LRRC72: variants seen among roughly 807,000 people sequenced by gnomAD.
LRRC72 encodes the protein leucine-rich repeat-containing protein 72.
Under a neutral mutation model 35.8 loss-of-function variants are expected in LRRC72, and 41 were observed. That is an observed-to-expected ratio of 1.15 (90% CI 0.89 to 1.49). LRRC72 has a LOEUF of 1.49. Ranked by LOEUF, LRRC72 falls within the 40% of genes most tolerant of loss-of-function variation. LRRC72 has a pLI of 0.00. For missense variants in LRRC72, 389 were observed against 330.7 expected, an observed-to-expected ratio of 1.18 and a Z score of -1.37; for synonymous variants, 118 against 119.2, an observed-to-expected ratio of 0.99 and a Z score of 0.07.
Position 16,558,939 on chromosome 7 carries a change from C to G in LRRC72, c.367C>G (p.Leu123Val). The change falls in exon 5 of 9, where the codon CTA becomes GTA. Residue 123 changes from leucine to valine, a missense_variant. Physicochemically the swap from Leu to Val is conservative, Grantham distance 32 (BLOSUM62 1). Transcript: ENST00000401542. ...LHILLLHHNE[L>V]TNIDATVKEL... ...TATACTCCTGCTACACCACAATGAG[C>G]TAACCAACATTGATGCAACAGTGAA... 1 of 1,537,264 alleles carries G rather than the reference C, an allele frequency of 6.5e-7. No homozygotes were observed.
chr7:16,555,997 A>T (rs574283168), intron 3 of LRRC72, among the ~76,000 whole-genome samples: 3 of 151,560 alleles, frequency 2.0e-5, no homozygotes, highest in African/African-American at 7.3e-5. Context: ...CTCCTCCTCT[A>T]TGGCTCTACC....
At chr7:16,528,411 C>T (rs1782109900) in intron 1 of LRRC72, among the ~76,000 whole-genome samples, 1 of 152,132 alleles carries the variant, frequency 6.6e-6, no homozygotes, top group Non-Finnish European at 1.5e-5. Context: ...ACCAGGGCCT[C>T]AATTTCAGCA....
chr7:16,553,472 T>C (rs917838766), intron 3 of LRRC72, among the ~76,000 whole-genome samples: 1 of 152,228 alleles, frequency 6.6e-6, no homozygotes, highest in Admixed American at 6.5e-5. Flanking sequence ...TTATATTGTA[T>C]AGTGTCTGTG....
chr7:16,547,368 G>A (rs1266834580), intron 3 of LRRC72, among the ~76,000 whole-genome samples: 1 of 152,070 alleles, frequency 6.6e-6, no homozygotes, highest in Non-Finnish European at 1.5e-5. Flanking sequence ...CATGCTCCAC[G>A]GAGATAGCAG....
intron 3 of LRRC72, among the ~76,000 whole-genome samples, chr7:16,547,658 C>T (rs914708356): frequency 1.2e-4 from 18 of 152,356 alleles, no homozygotes; most frequent in Admixed American, 8.5e-4. Flanking sequence ...CAAGCCTGGG[C>T]GCTGTCACAA....
At chr7:16,556,071 A>AT (rs1782644934) in intron 3 of LRRC72, among the ~76,000 whole-genome samples, 1 of 53,378 alleles carries the variant, frequency 1.9e-5, no homozygotes, top group Non-Finnish European at 5.0e-5. Context: ...AGTCAATACT[A>AT]AAAAAAAAAA....
intron 7 of LRRC72, among the ~76,000 whole-genome samples, chr7:16,569,157 G>A (rs1301167435): frequency 6.6e-6 from 1 of 152,176 alleles, no homozygotes; most frequent in African/African-American, 2.4e-5. Context: ...GCCAGGTGCG[G>A]TGGTTCACAC....
intron 3 of LRRC72, among the ~76,000 whole-genome samples, chr7:16,550,242 A>G (rs1782525691): frequency 6.6e-6 from 1 of 152,206 alleles, no homozygotes; most frequent in African/African-American, 2.4e-5. Context: ...AAAAAGGTGT[A>G]GAACTGAGAA....
chr7:16,575,502 T>G (rs1333935245), intron 7 of LRRC72, among the ~76,000 whole-genome samples: 2 of 152,192 alleles, frequency 1.3e-5, no homozygotes, highest in Non-Finnish European at 2.9e-5. Context: ...CTCCCTTGGG[T>G]TTGAATACCA....
chr7:16,540,670 G>A (rs995458230), intron 3 of LRRC72, among the ~76,000 whole-genome samples: 3 of 152,160 alleles, frequency 2.0e-5, no homozygotes, highest in African/African-American at 7.2e-5. Flanking sequence ...CATGGGGGCA[G>A]TTTCCCTCAT....
intron 2 of LRRC72, among the ~76,000 whole-genome samples, chr7:16,533,473 C>T (rs888267672): frequency 1.6e-4 from 25 of 152,060 alleles, no homozygotes; most frequent in African/African-American, 6.0e-4. Flanking sequence ...TACATTTTGT[C>T]CCCCTTACTT....
At chr7:16,579,921 A>AG (rs1783110995) in intron 7 of LRRC72, among the ~76,000 whole-genome samples, 153 bp from the exon 8 acceptor site, 1 of 152,232 alleles carries the variant, frequency 6.6e-6, no homozygotes, top group Admixed American at 6.5e-5. Context: ...TTAGATAAAA[A>AG]GGCATTTTTG....
chr7:16,534,050 T>C (rs1356736701), intron 2 of LRRC72, among the ~76,000 whole-genome samples: 1 of 152,232 alleles, frequency 6.6e-6, no homozygotes, highest in Admixed American at 6.5e-5. Flanking sequence ...TAACACCTTT[T>C]ACATTTTAAG....
At chr7:16,529,173 AATTT>A (rs1457988106) in intron 1 of LRRC72, among the ~76,000 whole-genome samples, 2 of 152,060 alleles carry the variant, frequency 1.3e-5, no homozygotes, top group African/African-American at 4.8e-5. Flanking sequence ...CACCTTTCTT[AATTT>A]ATTTCTCACA....
intron 5 of LRRC72, among the ~76,000 whole-genome samples, chr7:16,565,126 T>G (rs1157107813): frequency 2.0e-5 from 3 of 152,132 alleles, no homozygotes; most frequent in South Asian, 2.1e-4. Context: ...AGAAATTGCA[T>G]GTAGGTAGGT....
chr7:16,528,071 C>T (rs1223078116), intron 1 of LRRC72, among the ~76,000 whole-genome samples: 1 of 152,144 alleles, frequency 6.6e-6, no homozygotes, highest in Non-Finnish European at 1.5e-5. Flanking sequence ...GAAATTCAGG[C>T]CTCTAAATTC....
intron 3 of LRRC72, among the ~76,000 whole-genome samples, chr7:16,552,103 G>T (rs1203682975): frequency 6.6e-6 from 1 of 152,200 alleles, no homozygotes; most frequent in Non-Finnish European, 1.5e-5. Context: ...AAAGTCTTCT[G>T]TGTTGTGTGT....
chr7:16,557,618 A>G (rs1159774039), intron 4 of LRRC72, among the ~76,000 whole-genome samples, 177 bp downstream of exon 4: 1 of 152,190 alleles, frequency 6.6e-6, no homozygotes, highest in African/African-American at 2.4e-5. Flanking sequence ...GTGCTATTAG[A>G]TTACTTTTCT....
intron 5 of LRRC72, among the ~76,000 whole-genome samples, 155 bp downstream of exon 5, chr7:16,559,154 C>T (rs559773124): frequency 6.6e-6 from 1 of 152,220 alleles, no homozygotes; most frequent in East Asian, 1.9e-4. Context: ...AGTGCTTAGG[C>T]AGGCTGAGGT....
Sources: allele counts gnomAD v4.1 joint callset (sites outside exome capture counted in the v4.1 genomes callset), GRCh38; gene constraint gnomAD v4.1.1; transcripts MANE v1.5; gene names NCBI Gene and HGNC (gene_info 2026-07-23, HGNC 2026-07-21).